Variants in ERBB4 observed in about 807,000 individuals in gnomAD.
ERBB4 encodes the protein erb-b2 receptor tyrosine kinase 4.
Under a neutral mutation model 158.0 loss-of-function variants are expected in ERBB4, and 42 were observed. The ratio of observed to expected loss-of-function variants is 0.27; its 90% CI spans 0.21 to 0.34. ERBB4 has a LOEUF of 0.34. Among genes scored for constraint, ERBB4 ranks in the 10% least tolerant of loss-of-function variants. ERBB4 has a pLI of 1.00. For synonymous variants in ERBB4, 583 were observed against 558.7 expected, an observed-to-expected ratio of 1.04 and a Z score of -0.61; for missense variants, 1,333 against 1,624.1, an observed-to-expected ratio of 0.82 and a Z score of 3.08.
intron 5 of ERBB4, among the ~76,000 whole-genome samples, chr2:211,728,887 G>C (rs1038280218): frequency 6.6e-6 from 1 of 151,696 alleles, no homozygotes. Context: ...AATTAATGTA[G>C]AAAATAATTA....
intron 2 of ERBB4, among the ~76,000 whole-genome samples, chr2:212,086,234 A>G (rs2078604671): frequency 6.6e-6 from 1 of 151,916 alleles, no homozygotes; most frequent in Non-Finnish European, 1.5e-5. Flanking sequence ...AAAGCAAATA[A>G]TGTCAGTGTA....
At chr2:211,773,645 T>TATAA (rs2075793980) in intron 4 of ERBB4, among the ~76,000 whole-genome samples, 1 of 85,294 alleles carries the variant, frequency 1.2e-5, no homozygotes, top group Non-Finnish European at 2.3e-5. Context: ...TATATATATA[T>TATAA]ATAATATATA....
At chr2:211,502,287 T>C (rs2125593467) in intron 20 of ERBB4, among the ~76,000 whole-genome samples, 1 of 152,258 alleles carries the variant, frequency 6.6e-6, no homozygotes, top group East Asian at 1.9e-4. Context: ...AGATATCATT[T>C]AACAATGCAA....
chr2:212,532,285 A>T (rs536944998), intron 1 of ERBB4, among the ~76,000 whole-genome samples: 1 of 152,214 alleles, frequency 6.6e-6, no homozygotes. Flanking sequence ...ACACCAGTGC[A>T]GGAGAGTAGA....
chr2:212,133,001 G>C (rs951079696), intron 1 of ERBB4, among the ~76,000 whole-genome samples: 1 of 151,940 alleles, frequency 6.6e-6, no homozygotes, highest in Non-Finnish European at 1.5e-5. Flanking sequence ...TACAACTATT[G>C]TATCTACAAC....
chr2:212,134,196 T>C (rs973674501), intron 1 of ERBB4, among the ~76,000 whole-genome samples: 2 of 151,854 alleles, frequency 1.3e-5, no homozygotes, highest in Non-Finnish European at 2.9e-5. Flanking sequence ...TGAGAAGTTT[T>C]TTTTTAATCT....
intron 20 of ERBB4, among the ~76,000 whole-genome samples, chr2:211,439,542 G>A (rs1389760519): frequency 6.6e-6 from 1 of 152,126 alleles, no homozygotes; most frequent in Non-Finnish European, 1.5e-5. Context: ...TGGTCATATA[G>A]CATAATGGTT....
At chr2:211,806,817 A>C (rs767591105) in intron 3 of ERBB4, among the ~76,000 whole-genome samples, 5 of 152,130 alleles carry the variant, frequency 3.3e-5, no homozygotes, top group African/African-American at 1.2e-4. Flanking sequence ...TCCCTCTGCT[A>C]TGATTTTTTA....
At chr2:212,143,467 T>C (rs1417123775) in intron 1 of ERBB4, among the ~76,000 whole-genome samples, 3 of 152,040 alleles carry the variant, frequency 2.0e-5, no homozygotes, top group Non-Finnish European at 1.5e-5. Flanking sequence ...AAATTTTGGG[T>C]ATCCTGGGAA....
intron 23 of ERBB4, among the ~76,000 whole-genome samples, chr2:211,423,350 T>C (rs529484107): frequency 6.6e-6 from 1 of 152,112 alleles, no homozygotes; most frequent in African/African-American, 2.4e-5. Flanking sequence ...AGTCTCTTAT[T>C]AATAAGATGC....
intron 3 of ERBB4, among the ~76,000 whole-genome samples, chr2:211,804,973 G>T (rs929215754): frequency 6.7e-6 from 1 of 148,478 alleles, no homozygotes; most frequent in African/African-American, 2.5e-5. Context: ...AGGCTGGAGT[G>T]CAACGGCATG....
At chr2:212,026,466 T>A (rs1232103167) in intron 2 of ERBB4, among the ~76,000 whole-genome samples, 1 of 151,822 alleles carries the variant, frequency 6.6e-6, no homozygotes, top group Non-Finnish European at 1.5e-5. Flanking sequence ...TATGAACAAA[T>A]TCGTCACTCA....
rs11448093 is a variant in ERBB4 at position 212,198,733 on chromosome 2, C to CTTT, written c.83-73833_83-73831dup. Among the ~76,000 whole-genome samples, 518 of 96,340 alleles carry CTTT rather than the reference C, an allele frequency of 5.4e-3. 1 individual carries two copies. The highest frequency in any genetic ancestry group is 0.022 in the African/African-American group (465 of 21,546). 63.2% of individuals were successfully genotyped at this position (96,340 alleles called of 152,430 possible). Reference sequence around the variant, plus strand: ...GATTACAGGTGTGTATCACCACGCCCTTTTTTTTTTTTTTTTTTTTTTGGA... The same window carrying CTTT: ...GATTACAGGTGTGTATCACCACGCCCTTTTTTTTTTTTTTTTTTTTTTTTTGGA... On this transcript the variant is annotated intron_variant, in intron 1 of 27. Transcript: ENST00000342788.
chr2:211,895,083 C>T (rs1318533605), intron 3 of ERBB4, among the ~76,000 whole-genome samples: 1 of 152,130 alleles, frequency 6.6e-6, no homozygotes, highest in Non-Finnish European at 1.5e-5. Flanking sequence ...CCCTTTTCTG[C>T]TAGACATGCA....
intron 4 of ERBB4, among the ~76,000 whole-genome samples, chr2:211,782,624 G>T (rs2076063761): frequency 6.6e-6 from 1 of 152,180 alleles, no homozygotes; most frequent in African/African-American, 2.4e-5. Flanking sequence ...GAAAAATAGA[G>T]AAACAATGAT....
At chr2:212,429,021 T>G (rs1268743339) in intron 1 of ERBB4, 1 of 152,076 alleles carries the variant, frequency 6.6e-6, no homozygotes, top group Non-Finnish European at 1.5e-5. Flanking sequence ...AGTTATTAAT[T>G]TTAAGAGTTT....
intron 1 of ERBB4, among the ~76,000 whole-genome samples, chr2:212,144,706 C>T (rs1160091826): frequency 2.6e-5 from 4 of 152,162 alleles, no homozygotes; most frequent in African/African-American, 9.7e-5. Flanking sequence ...GATAAACCAG[C>T]TCATGGAGAC....
chr2:211,766,065 A>T (rs147840483), intron 4 of ERBB4, among the ~76,000 whole-genome samples: 1 of 152,034 alleles, frequency 6.6e-6, no homozygotes, highest in African/African-American at 2.4e-5. Flanking sequence ...TCTTTCTTTT[A>T]TGTATTTCTC....
At chr2:211,837,385 G>C (rs935202210) in intron 3 of ERBB4, among the ~76,000 whole-genome samples, 1 of 152,016 alleles carries the variant, frequency 6.6e-6, no homozygotes, top group East Asian at 1.9e-4. Flanking sequence ...TACATAAAGG[G>C]CTCTTAAATA....
Sources: allele counts gnomAD v4.1 joint callset (sites outside exome capture counted in the v4.1 genomes callset), GRCh38; gene constraint gnomAD v4.1.1; transcripts MANE v1.5; gene names NCBI Gene and HGNC (gene_info 2026-07-23, HGNC 2026-07-21).